The following POLR3B variants were observed in gnomAD, a reference collection of about 807,000 sequenced individuals.
POLR3B encodes the protein RNA polymerase III subunit B, also known as DNA-directed RNA polymerase III subunit RPC2.
POLR3B carries 96 observed loss-of-function variants against 147.4 expected under a neutral mutation model. The ratio of observed to expected loss-of-function variants is 0.65; its 90% CI spans 0.55 to 0.77. The LOEUF (loss-of-function observed/expected upper bound fraction) is 0.77, where lower values mean the gene tolerates loss of function less well. Among genes scored for constraint, POLR3B ranks in the 30% least tolerant of loss-of-function variants. The pLI, the probability that POLR3B is intolerant of heterozygous loss-of-function variation, is 0.00. For missense variants in POLR3B, 1,036 were observed against 1,413.5 expected (o/e 0.73, Z 4.28); for synonymous variants, 461 against 485.9 (o/e 0.95, Z 0.67).
At chr12:106,486,194 C>T (rs1262090313) in intron 23 of POLR3B, among the ~76,000 whole-genome samples, 3 of 143,160 alleles carry the variant, frequency 2.1e-5, no homozygotes, top group African/African-American at 2.6e-5. Flanking sequence ...GAGACTGAGG[C>T]AGGAGAATGA....
chr12:106,446,689 A>G (rs1174088914), intron 19 of POLR3B, among the ~76,000 whole-genome samples: 1 of 152,140 alleles, frequency 6.6e-6, no homozygotes, highest in Non-Finnish European at 1.5e-5. Flanking sequence ...CTTGGATACA[A>G]TCCTCTGACG....
At chr12:106,376,475 C>G in intron 7 of POLR3B, 25 bp downstream of exon 7, 1 of 1,480,682 alleles carries the variant, frequency 6.8e-7, no homozygotes, top group African/African-American at 1.4e-5. Flanking sequence ...TTGGATTTGT[C>G]CCACTTTCCT....
chr12:106,459,107 G>A (rs2037901933), intron 21 of POLR3B, 144 bp from the exon 22 acceptor site: 1 of 665,344 alleles, frequency 1.5e-6, no homozygotes, highest in Non-Finnish European at 2.8e-6. Context: ...GCTCACTGCA[G>A]CCTCAACCTA....
intron 11 of POLR3B, among the ~76,000 whole-genome samples, chr12:106,409,973 A>G (rs1415017499): frequency 6.6e-6 from 1 of 152,188 alleles, no homozygotes; most frequent in African/African-American, 2.4e-5. Flanking sequence ...AGCCAGATTC[A>G]TTCATATGGG....
At chr12:106,425,852 C>T (rs1190780206) in intron 12 of POLR3B, among the ~76,000 whole-genome samples, 1 of 152,118 alleles carries the variant, frequency 6.6e-6, no homozygotes, top group Non-Finnish European at 1.5e-5. Flanking sequence ...CCTTTCTAAA[C>T]AATATAATGT....
In POLR3B at chr12:106,509,479, A is replaced by G. The variant is rs766823201; in HGVS notation, c.3332A>G (p.Lys1111Arg). ...VSSLRIPYAC[K>R]LLFQELQSMN... is the part of the protein sequence containing the mutation. ...TCCCTCCGTATTCCGTATGCCTGCA[A>G]GCTGCTCTTCCAGGAACTACAGTCT... The change falls in exon 28 of 28, where the codon AAG (lysine) becomes AGG (arginine). Residue 1111 changes from lysine to arginine, a missense_variant. Lys to Arg is a conservative substitution (Grantham distance 26, BLOSUM62 2). Coordinates refer to ENST00000228347, the MANE Select transcript of POLR3B (RefSeq NM_018082.6). 6.2e-7 allele frequency: 1 copy of G among 1,613,716 alleles called. No individual in the cohort carries two copies. The highest frequency in any genetic ancestry group is 1.1e-5 in the South Asian group (1 of 91,056).
At chr12:106,459,450 G>A (rs2137032792) in intron 22 of POLR3B, 82 bp downstream of exon 22, 2 of 809,836 alleles carry the variant, frequency 2.5e-6, no homozygotes, top group South Asian at 2.7e-5. Flanking sequence ...TTAGGTCTTG[G>A]CGTGTTGGAG....
At chr12:106,409,374 T>TTTA (rs2037193443) in intron 11 of POLR3B, among the ~76,000 whole-genome samples, 1 of 146,062 alleles carries the variant, frequency 6.8e-6, no homozygotes, top group Non-Finnish European at 1.5e-5. Context: ...TTTTTTTTCT[T>TTTA]GAGGATGGAC....
chr12:106,437,846 C>T (rs2037598368), intron 18 of POLR3B, 67 bp downstream of exon 18: 2 of 840,652 alleles, frequency 2.4e-6, no homozygotes, highest in Non-Finnish European at 4.1e-6. Flanking sequence ...TTCTCTTTTA[C>T]TGTCATCTTC....
intron 9 of POLR3B, among the ~76,000 whole-genome samples, chr12:106,391,606 A>T (rs2036915458): frequency 6.6e-6 from 1 of 152,230 alleles, no homozygotes; most frequent in Non-Finnish European, 1.5e-5. Context: ...TCAAATGTAG[A>T]ATCATAGCAT....
chr12:106,508,484 A>C (rs936388381), intron 27 of POLR3B, among the ~76,000 whole-genome samples: 6 of 152,288 alleles, frequency 3.9e-5, no homozygotes, highest in Non-Finnish European at 7.4e-5. Context: ...CTACCTGTTA[A>C]GAGTCAGGAT....
intron 9 of POLR3B, among the ~76,000 whole-genome samples, chr12:106,390,219 GAAA>G (rs375447086): frequency 8.4e-6 from 1 of 119,520 alleles, no homozygotes; most frequent in Non-Finnish European, 1.7e-5. Flanking sequence ...CTCTGTCTCT[GAAA>G]AAAAAAAAAA....
chr12:106,438,344 A>G (rs1322402327), intron 18 of POLR3B, among the ~76,000 whole-genome samples: 1 of 152,154 alleles, frequency 6.6e-6, no homozygotes, highest in Non-Finnish European at 1.5e-5. Flanking sequence ...AGTGAAGAGT[A>G]TTACAAAGCA....
intron 8 of POLR3B, 108 bp from the exon 9 acceptor site, chr12:106,379,923 G>A (rs912394405): frequency 7.6e-5 from 55 of 723,030 alleles, no homozygotes; most frequent in Middle Eastern, 4.7e-4. Flanking sequence ...CCTTGTGATT[G>A]TTGTTGATCA....
At chr12:106,370,518 G>A (rs753088149) in intron 6 of POLR3B, among the ~76,000 whole-genome samples, 15 of 151,954 alleles carry the variant, frequency 9.9e-5, no homozygotes, top group Non-Finnish European at 2.1e-4. Flanking sequence ...TCAAAGGAAG[G>A]GGTAATTTGT....
intron 12 of POLR3B, among the ~76,000 whole-genome samples, chr12:106,421,449 GTT>G (rs2037372838): frequency 6.6e-6 from 1 of 152,076 alleles, no homozygotes; most frequent in South Asian, 2.1e-4. Context: ...AAACTTTTAA[GTT>G]TTTGTCTAAT....
chr12:106,501,201 G>A (rs1245622888), intron 25 of POLR3B, 122 bp from the exon 26 acceptor site: 2 of 732,814 alleles, frequency 2.7e-6, no homozygotes, highest in Admixed American at 3.9e-5. Flanking sequence ...ACTACAGACT[G>A]AAAATCATTC....
intron 18 of POLR3B, among the ~76,000 whole-genome samples, chr12:106,438,031 T>A (rs2137009811): frequency 6.6e-6 from 1 of 152,328 alleles, no homozygotes; most frequent in South Asian, 2.1e-4. Flanking sequence ...TTTATCTTGA[T>A]GCTCTTCCTC....
At chr12:106,409,256 A>G (rs1050559324) in intron 11 of POLR3B, among the ~76,000 whole-genome samples, 46 of 151,642 alleles carry the variant, frequency 3.0e-4, no homozygotes, top group African/African-American at 1.1e-3. Flanking sequence ...CTTTCGAAAT[A>G]CCAATTGAAA....
Sources: allele counts gnomAD v4.1 joint callset (sites outside exome capture counted in the v4.1 genomes callset), GRCh38; gene constraint gnomAD v4.1.1; transcripts MANE v1.5; gene names NCBI Gene and HGNC (gene_info 2026-07-23, HGNC 2026-07-21).